Variants in SLC29A3 observed in about 807,000 individuals in gnomAD.
SLC29A3 encodes solute carrier family 29 member 3.
A neutral mutation model predicts 25.4 loss-of-function variants in SLC29A3; 18 were observed. The ratio of observed to expected loss-of-function variants is 0.71; its 90% CI spans 0.49 to 1.05. The LOEUF (loss-of-function observed/expected upper bound fraction) is 1.05. Among genes scored for constraint, SLC29A3 ranks in the 50% least tolerant of loss-of-function variants. SLC29A3 has a pLI of 0.00. For missense variants in SLC29A3, 586 were observed against 609.0 expected, an observed-to-expected ratio of 0.96 and a Z score of 0.40; for synonymous variants, 258 against 267.1, an observed-to-expected ratio of 0.97 and a Z score of 0.33.
At chr10:71,380,215 G>A (rs1847292130) in exon 5 of SLC29A3, 2 of 152,236 alleles carry the variant, frequency 1.3e-5, no homozygotes, top group Middle Eastern at 3.4e-3. Context: ...GCCTTCTCTG[G>A]GCCCACAGCT....
chr10:71,376,059 A>T (rs1847249512), intron 4 of SLC29A3, among the ~76,000 whole-genome samples: 1 of 152,230 alleles, frequency 6.6e-6, no homozygotes, highest in African/African-American at 2.4e-5. Flanking sequence ...GTAAACAGGA[A>T]ATAGAAGACA....
Sources: allele counts gnomAD v4.1 joint callset (sites outside exome capture counted in the v4.1 genomes callset), GRCh38; gene constraint gnomAD v4.1.1; transcripts MANE v1.5; gene names NCBI Gene and HGNC (gene_info 2026-07-23, HGNC 2026-07-21).